The following VPS8 variants were observed in gnomAD, a reference collection of about 807,000 sequenced individuals.
VPS8 encodes VPS8 subunit of CORVET complex.
In VPS8, 129 loss-of-function variants were observed where a neutral mutation model predicts 216.4. That is an observed-to-expected ratio of 0.60 (90% confidence interval 0.52 to 0.69). The LOEUF (loss-of-function observed/expected upper bound fraction) is 0.69. VPS8 is among the 30% of genes least tolerant of loss of function. The pLI is 0.00. For missense variants in VPS8, 1,531 were observed against 1,683.5 expected, an observed-to-expected ratio of 0.91 and a Z score of 1.59; for synonymous variants, 571 against 565.4, an observed-to-expected ratio of 1.01 and a Z score of -0.14.
chr3:185,012,467 A>G (rs1430519617), intron 45 of VPS8, among the ~76,000 whole-genome samples: 1 of 151,038 alleles, frequency 6.6e-6, no homozygotes, highest in Non-Finnish European at 1.5e-5. Flanking sequence ...ACCTAATAAT[A>G]TCTGAAATTT....
intron 45 of VPS8, among the ~76,000 whole-genome samples, chr3:185,003,921 G>C (rs1204766354): frequency 2.6e-5 from 4 of 151,936 alleles, no homozygotes; most frequent in African/African-American, 9.7e-5. Flanking sequence ...CTCCCAGACG[G>C]GGTGGCGGGG....
chr3:184,947,312 T>C (rs1343001434), intron 36 of VPS8, among the ~76,000 whole-genome samples: 3 of 152,212 alleles, frequency 2.0e-5, no homozygotes, highest in Admixed American at 6.5e-5. Context: ...TTTGAAACTT[T>C]CCTTTCAGAA....
intron 21 of VPS8, among the ~76,000 whole-genome samples, chr3:184,879,477 C>T (rs1729894451): frequency 1.3e-5 from 2 of 151,994 alleles, no homozygotes; most frequent in Non-Finnish European, 1.5e-5. Context: ...GTGTCTATCT[C>T]GAAAGCCCTT....
At chr3:184,828,409 G>T (rs1719278409) in intron 3 of VPS8, among the ~76,000 whole-genome samples, 1 of 152,084 alleles carries the variant, frequency 6.6e-6, no homozygotes, top group Admixed American at 6.6e-5. Flanking sequence ...AAAGTTCTGG[G>T]ATTGTAGGCA....
At chr3:185,048,325 C>A (rs1237964974) in intron 46 of VPS8, among the ~76,000 whole-genome samples, 154 bp from the exon 47 acceptor site, 1 of 152,242 alleles carries the variant, frequency 6.6e-6, no homozygotes, top group Non-Finnish European at 1.5e-5. Flanking sequence ...ATTTCTAACT[C>A]ATGTTCAGTA....
chr3:184,823,953 ATC>A (rs968130011), intron 1 of VPS8, among the ~76,000 whole-genome samples: 64 of 152,070 alleles, frequency 4.2e-4, no homozygotes, highest in Non-Finnish European at 3.4e-4. Context: ...GTTTCTAGAA[ATC>A]TCTGGTAGGC....
At chr3:184,954,668 C>T (rs1653521417) in intron 36 of VPS8, among the ~76,000 whole-genome samples, 1 of 152,156 alleles carries the variant, frequency 6.6e-6, no homozygotes, top group Admixed American at 6.5e-5. Context: ...AGGATTTATT[C>T]CTAATTATCT....
intron 46 of VPS8, among the ~76,000 whole-genome samples, chr3:185,025,235 A>G (rs1429639329): frequency 6.6e-6 from 1 of 152,238 alleles, no homozygotes; most frequent in Non-Finnish European, 1.5e-5. Flanking sequence ...CAAGAGAACC[A>G]CTAAAATCCT....
At chr3:184,926,513 A>T in intron 30 of VPS8, 81 bp from the exon 31 acceptor site, 1 of 1,398,912 alleles carries the variant, frequency 7.1e-7, no homozygotes, top group Non-Finnish European at 9.8e-7. Flanking sequence ...GGTTATTTGA[A>T]AGGGTAGTTA....
At chr3:184,957,273 C>T in intron 36 of VPS8, 101 bp from the exon 37 acceptor site, 1 of 1,225,296 alleles carries the variant, frequency 8.2e-7, no homozygotes, top group Non-Finnish European at 1.1e-6. Flanking sequence ...AGCAGGTAGT[C>T]CTAGTTTTAA....
chr3:184,891,077 G>A (rs1732252796), intron 22 of VPS8, among the ~76,000 whole-genome samples: 1 of 151,872 alleles, frequency 6.6e-6, no homozygotes, highest in South Asian at 2.1e-4. Context: ...TAAAAATAGG[G>A]TTATGTGATT....
intron 16 of VPS8, among the ~76,000 whole-genome samples, chr3:184,865,528 C>T (rs960162706): frequency 2.0e-5 from 3 of 151,948 alleles, no homozygotes; most frequent in Non-Finnish European, 4.4e-5. Flanking sequence ...AAATGCAAAT[C>T]AAAATCATAA....
At chr3:184,829,735 A>G (rs1403808019) in intron 3 of VPS8, among the ~76,000 whole-genome samples, 3 of 152,168 alleles carry the variant, frequency 2.0e-5, no homozygotes, top group Non-Finnish European at 2.9e-5. Flanking sequence ...TTGTAGTGCT[A>G]TCACATCATG....
At chr3:184,941,336 C>A (rs139088065) in intron 36 of VPS8, among the ~76,000 whole-genome samples, 4 of 149,020 alleles carry the variant, frequency 2.7e-5, no homozygotes, top group Non-Finnish European at 6.0e-5. Flanking sequence ...ATTACAAAGC[C>A]CCCTCCACTT....
chr3:185,016,950 C>T (rs1404313583), intron 45 of VPS8, among the ~76,000 whole-genome samples: 1 of 151,990 alleles, frequency 6.6e-6, no homozygotes, highest in Non-Finnish European at 1.5e-5. Context: ...ATATCCTAAA[C>T]TTTGGTAGGA....
intron 21 of VPS8, among the ~76,000 whole-genome samples, chr3:184,878,754 G>A (rs1729737246): frequency 6.6e-6 from 1 of 152,082 alleles, no homozygotes; most frequent in South Asian, 2.1e-4. Flanking sequence ...ATACCTGAAA[G>A]AAGAAAAGAA....
chr3:184,877,306 G>GTT (rs1729441329), intron 21 of VPS8, among the ~76,000 whole-genome samples: 2 of 152,316 alleles, frequency 1.3e-5, no homozygotes, highest in African/African-American at 4.8e-5. Flanking sequence ...ACCTGTGTAA[G>GTT]TTTAGGAACA....
chr3:184,996,303 T>A, intron 43 of VPS8, 29 bp from the exon 44 acceptor site: 1 of 1,580,260 alleles, frequency 6.3e-7, no homozygotes, highest in Non-Finnish European at 8.6e-7. Flanking sequence ...ACCTTTTGTT[T>A]GTTTGTTTTT....
At chr3:184,924,727 A>G in intron 29 of VPS8, 135 bp from the exon 30 acceptor site, 1 of 1,157,912 alleles carries the variant, frequency 8.6e-7, no homozygotes, top group Non-Finnish European at 1.2e-6. Context: ...CGTTGAATTC[A>G]ATTGTTGCAC....
Sources: gnomAD v4.1 joint callset for allele counts (sites outside exome capture counted in the v4.1 genomes callset) on GRCh38, gnomAD v4.1.1 for gene constraint, MANE v1.5 for transcripts, NCBI Gene and HGNC (gene_info 2026-07-23, HGNC 2026-07-21) for gene names.